The following SGMS1 variants were observed in gnomAD, a reference collection of about 807,000 sequenced individuals.
SGMS1 encodes the protein phosphatidylcholine:ceramide cholinephosphotransferase 1.
SGMS1 carries 13 observed loss-of-function variants against 46.2 expected under a neutral mutation model. The observed-to-expected ratio is 0.28, with a 90% CI of 0.18 to 0.45. SGMS1 has a LOEUF of 0.45. SGMS1 is among the 20% of genes least tolerant of loss of function. SGMS1 has a pLI of 1.00. For synonymous variants in SGMS1, 203 were observed against 187.8 expected, an observed-to-expected ratio of 1.08 and a Z score of -0.66; for missense variants, 324 against 519.9, an observed-to-expected ratio of 0.62 and a Z score of 3.66.
At chr10:50,551,579 A>G (rs1439012046) in intron 2 of SGMS1, among the ~76,000 whole-genome samples, 1 of 152,124 alleles carries the variant, frequency 6.6e-6, no homozygotes, top group Non-Finnish European at 1.5e-5. Context: ...AATGTTTCAT[A>G]TCGATATAAG....
chr10:50,484,641 T>A (rs966410567), intron 3 of SGMS1, among the ~76,000 whole-genome samples: 2 of 151,862 alleles, frequency 1.3e-5, no homozygotes, highest in Admixed American at 6.6e-5. Flanking sequence ...TATGCAAAAG[T>A]CCCCAACAAA....
intron 6 of SGMS1, among the ~76,000 whole-genome samples, chr10:50,401,723 C>T (rs879664997): frequency 3.9e-5 from 6 of 152,148 alleles, no homozygotes; most frequent in Non-Finnish European, 8.8e-5. Flanking sequence ...TTTCATTTGC[C>T]TTCTTCAATG....
At chr10:50,562,693 G>A (rs1367134297) in intron 2 of SGMS1, among the ~76,000 whole-genome samples, 2 of 152,048 alleles carry the variant, frequency 1.3e-5, no homozygotes, top group Non-Finnish European at 2.9e-5. Context: ...ACAGGCGCCC[G>A]CCCCTATGCC....
intron 2 of SGMS1, among the ~76,000 whole-genome samples, chr10:50,589,503 T>C (rs1838519346): frequency 6.6e-6 from 1 of 152,046 alleles, no homozygotes; most frequent in African/African-American, 2.4e-5. Context: ...CAGGGTCTTG[T>C]CTGTCACCCA....
At chr10:50,424,208 C>T (rs1849293596) in intron 6 of SGMS1, among the ~76,000 whole-genome samples, 1 of 152,132 alleles carries the variant, frequency 6.6e-6, no homozygotes, top group Admixed American at 6.5e-5. Context: ...CATGTAAATA[C>T]CTAAAACGTG....
At chr10:50,552,959 T>C (rs1308369252) in intron 2 of SGMS1, among the ~76,000 whole-genome samples, 2 of 152,156 alleles carry the variant, frequency 1.3e-5, no homozygotes, top group African/African-American at 4.8e-5. Flanking sequence ...CACCATAAAC[T>C]GGTAGAGGCA....
chr10:50,557,601 CAA>C (rs1176246976), intron 2 of SGMS1, among the ~76,000 whole-genome samples: 15 of 69,100 alleles, frequency 2.2e-4, no homozygotes, highest in African/African-American at 7.7e-4. Context: ...AGAAGAAATG[CAA>C]AAAAAAAAAG....
At chr10:50,376,848 T>C (rs1848529573) in intron 6 of SGMS1, among the ~76,000 whole-genome samples, 1 of 152,184 alleles carries the variant, frequency 6.6e-6, no homozygotes, top group Non-Finnish European at 1.5e-5. Context: ...GACATTTGGG[T>C]TGGTTCCAAG....
chr10:50,530,203 A>G (rs1230934073), intron 2 of SGMS1, among the ~76,000 whole-genome samples: 1 of 152,180 alleles, frequency 6.6e-6, no homozygotes, highest in African/African-American at 2.4e-5. Context: ...GTTTCCTCCA[A>G]AATTCCTGGC....
At chr10:50,507,004 A>G (rs564782628) in intron 3 of SGMS1, among the ~76,000 whole-genome samples, 51 of 152,346 alleles carry the variant, frequency 3.3e-4, no homozygotes, top group Non-Finnish European at 6.0e-4. Flanking sequence ...AAATGCACCC[A>G]GAATGCTGGT....
At chr10:50,497,243 G>A (rs1837622863) in intron 3 of SGMS1, among the ~76,000 whole-genome samples, 2 of 152,182 alleles carry the variant, frequency 1.3e-5, no homozygotes, top group South Asian at 4.1e-4. Context: ...AACTTACAAA[G>A]TTGTCTAATA....
intron 9 of SGMS1, among the ~76,000 whole-genome samples, chr10:50,309,639 G>T (rs1264621647): frequency 6.6e-6 from 1 of 152,138 alleles, no homozygotes; most frequent in African/African-American, 2.4e-5. Context: ...ATTATGCCCT[G>T]ACAATTCTGA....
intron 4 of SGMS1, among the ~76,000 whole-genome samples, chr10:50,464,633 CA>C (rs1837308038): frequency 6.6e-6 from 1 of 152,184 alleles, no homozygotes; most frequent in Non-Finnish European, 1.5e-5. Flanking sequence ...GGGGTTTCGC[CA>C]TGTTGGCCAG....
chr10:50,457,580 C>G (rs768034321), intron 5 of SGMS1, among the ~76,000 whole-genome samples: 1 of 152,068 alleles, frequency 6.6e-6, no homozygotes, highest in Non-Finnish European at 1.5e-5. Flanking sequence ...CCCCCACCCT[C>G]TCTCTCAAGC....
chr10:50,592,127 A>G (rs1469020318), intron 1 of SGMS1, among the ~76,000 whole-genome samples: 3 of 152,178 alleles, frequency 2.0e-5, no homozygotes, highest in African/African-American at 7.2e-5. Context: ...ACTGCCTCAC[A>G]ACCCAGAACA....
At chr10:50,371,062 A>G (rs1848428509) in intron 6 of SGMS1, among the ~76,000 whole-genome samples, 1 of 152,352 alleles carries the variant, frequency 6.6e-6, no homozygotes, top group Middle Eastern at 3.4e-3. Context: ...TGTAAGGTAC[A>G]TAATTATATA....
At chr10:50,356,536 C>A (rs886575595) in intron 6 of SGMS1, among the ~76,000 whole-genome samples, 1 of 151,338 alleles carries the variant, frequency 6.6e-6, no homozygotes, top group East Asian at 1.9e-4. Flanking sequence ...TCCCCCTCTC[C>A]GAGAAACACC....
At chr10:50,593,574 T>G (rs1838562679) in intron 1 of SGMS1, among the ~76,000 whole-genome samples, 1 of 152,122 alleles carries the variant, frequency 6.6e-6, no homozygotes, top group African/African-American at 2.4e-5. Context: ...TCACCACCAC[T>G]TCCACCACCA....
At chr10:50,492,894 C>G (rs1370665293) in intron 3 of SGMS1, among the ~76,000 whole-genome samples, 1 of 152,204 alleles carries the variant, frequency 6.6e-6, no homozygotes, top group South Asian at 2.1e-4. Context: ...AAAAGACCCA[C>G]TTAAACACCT....
Sources: gnomAD v4.1 joint callset for allele counts (sites outside exome capture counted in the v4.1 genomes callset) on GRCh38, gnomAD v4.1.1 for gene constraint, MANE v1.5 for transcripts, NCBI Gene and HGNC (gene_info 2026-07-23, HGNC 2026-07-21) for gene names.